The following E2F7 variants were observed in gnomAD, a reference collection of about 807,000 sequenced individuals.
The protein encoded by E2F7 is E2F transcription factor 7, also known as transcription factor E2F7.
A neutral mutation model predicts 81.1 loss-of-function variants in E2F7; 35 were observed. The ratio of observed to expected loss-of-function variants is 0.43; its 90% CI spans 0.33 to 0.57. The LOEUF (loss-of-function observed/expected upper bound fraction) is 0.57. Among genes scored for constraint, E2F7 ranks in the 20% least tolerant of loss-of-function variants. The pLI is 0.04. For synonymous variants in E2F7, 416 were observed against 416.2 expected (o/e 1.00, Z 0.01); for missense variants, 961 against 1,093.7 (o/e 0.88, Z 1.71).
intron 2 of E2F7, 139 bp from the exon 3 acceptor site, chr12:77,056,269 A>C: frequency 1.1e-6 from 1 of 882,298 alleles, no homozygotes; most frequent in South Asian, 1.9e-5. Flanking sequence ...TCAGGATAGG[A>C]CTAACGAAAA....
chr12:77,032,411 C>T (rs1457056965), intron 9 of E2F7, among the ~76,000 whole-genome samples: 1 of 152,206 alleles, frequency 6.6e-6, no homozygotes, highest in Non-Finnish European at 1.5e-5. Context: ...TTGTAATCTG[C>T]TTCTTCCCAC....
chr12:77,031,361 C>T lies in E2F7; in HGVS notation c.1383-1029G>A, dbSNP rs568496523. Among the ~76,000 whole-genome samples, 3 of 152,204 alleles carry T rather than the reference C, an allele frequency of 2.0e-5. No homozygotes were observed. The South Asian group carries it at 6.2e-4, about 31-fold the overall frequency. ...TCCTTTAAGAAATAGGAACAGAGGG[C>T]CAGGCGTGGTGGCTCACGCCTGTAA... On this transcript the variant is annotated intron_variant, in intron 9 of 12. Transcript: ENST00000322886.
chr12:77,046,085 G>A lies in E2F7; in HGVS notation c.782C>T (p.Ser261Phe). The A allele has an allele frequency of 2.5e-6, 4 of 1,614,216 alleles. No individual in the cohort carries two copies. Among genetic ancestry groups the A allele is most frequent in the Non-Finnish European group, 3.4e-6 (4 of 1,180,038 alleles). ...GERKKDGDPD[S>F]QEQQLLDFSE... is the part of the protein sequence containing the mutation. Reference sequence around the variant, plus strand: ...GAAATCCAGTAACTGTTGTTCCTGGGAATCTGGATCACCATCTTTTTTACG... The same window carrying A: ...GAAATCCAGTAACTGTTGTTCCTGGAAATCTGGATCACCATCTTTTTTACG... Residue 261 changes from serine (S) to phenylalanine (F), a missense_variant, in exon 5 of 13, where the codon TCC (serine) becomes TTC (phenylalanine). This residue lies in a region of E2F7 where 301 missense variants were observed against 405.0 expected (regional missense o/e 0.74). Coordinates refer to ENST00000322886, the MANE Select transcript of E2F7 (RefSeq NM_203394.3).
intron 5 of E2F7, among the ~76,000 whole-genome samples, chr12:77,045,333 G>T (rs1340412110): frequency 6.6e-6 from 1 of 152,190 alleles, no homozygotes; most frequent in Non-Finnish European, 1.5e-5. Flanking sequence ...TGCTCCTGTG[G>T]ATGGCAGGCA....
At chr12:77,027,191 T>C (rs1331991306) in intron 11 of E2F7, among the ~76,000 whole-genome samples, 2 of 152,150 alleles carry the variant, frequency 1.3e-5, no homozygotes, top group African/African-American at 4.8e-5. Context: ...TTGAGGAAAA[T>C]CAATTTAGAT....
rs373886442 is a variant in E2F7, at chr12:77,046,266, G to A, written c.601C>T (p.Arg201Trp). The change falls in exon 5 of 13, where the codon CGG becomes TGG. Residue 201 changes from arginine (R) to tryptophan (W), a missense_variant. Arg to Trp is a moderately radical substitution (Grantham distance 101, BLOSUM62 -3). Coordinates refer to ENST00000322886, the MANE Select transcript of E2F7 (RefSeq NM_203394.3). ...CAGCCATACTGATTCTTAGCCACCC[G>A]GCTGACCAGATGCAGCGACTCCAGC... ...NVLESLHLVS[R>W]VAKNQYGWHG... The A allele has an allele frequency of 6.2e-7, 1 of 1,614,126 alleles. No individual in the cohort carries two copies. The highest frequency in any genetic ancestry group is 8.5e-7 in the Non-Finnish European group (1 of 1,180,028).
chr12:77,042,244 G>A (rs1015783604), intron 7 of E2F7, among the ~76,000 whole-genome samples: 25 of 152,196 alleles, frequency 1.6e-4, no homozygotes, highest in African/African-American at 5.5e-4. Context: ...CAGTGCATAC[G>A]CACTGGGTTG....
At chr12:77,043,244 C>G (rs752078539) in intron 6 of E2F7, 45 bp from the exon 7 acceptor site, 2 of 1,610,582 alleles carry the variant, frequency 1.2e-6, no homozygotes, top group Non-Finnish European at 1.7e-6. Context: ...CCTGTGACAC[C>G]ATGACAGTTT....
At position 77,051,766 on chromosome 12, in the gene E2F7, G is replaced by T. The variant is rs74645975; in HGVS notation, c.370-1022C>A. On this transcript the variant is annotated intron_variant, in intron 3 of 12. Transcript: ENST00000322886. Reference sequence around the variant, plus strand: ...TCCCTTAAAGTCAGGAAACAATATGGATGCCCATTATCACTTTCTCTTCTA... The same window carrying T: ...TCCCTTAAAGTCAGGAAACAATATGTATGCCCATTATCACTTTCTCTTCTA... Among the ~76,000 whole-genome samples, 845 of 152,174 alleles carry T rather than the reference G, an allele frequency of 5.6e-3. 3 individuals are homozygous for T. Among genetic ancestry groups the T allele is most frequent in the East Asian group, 0.014 (74 of 5,180 alleles).
At chr12:77,065,174 GGAGT>G (rs1295280462) in intron 1 of E2F7, among the ~76,000 whole-genome samples, 167 bp downstream of exon 1, 3 of 152,170 alleles carry the variant, frequency 2.0e-5, no homozygotes, top group African/African-American at 7.2e-5. Context: ...CTGCCGGGCC[GGAGT>G]GAGAGCTGCA....
At chr12:77,058,146 C>T (rs1265353163) in intron 2 of E2F7, among the ~76,000 whole-genome samples, 2 of 152,130 alleles carry the variant, frequency 1.3e-5, no homozygotes, top group African/African-American at 4.8e-5. Context: ...GCTGCATCTA[C>T]CCACCTCTTT....
At chr12:77,061,300 G>A (rs1458891109) in intron 2 of E2F7, among the ~76,000 whole-genome samples, 1 of 152,024 alleles carries the variant, frequency 6.6e-6, no homozygotes, top group Non-Finnish European at 1.5e-5. Context: ...ATTCCAAACT[G>A]AACTCACCTT....
At chr12:77,045,352 C>G (rs1954931170) in intron 5 of E2F7, among the ~76,000 whole-genome samples, 1 of 152,132 alleles carries the variant, frequency 6.6e-6, no homozygotes, top group East Asian at 1.9e-4. Context: ...CAAACCATCC[C>G]CAACAGATGG....
chr12:77,060,746 T>C (rs1405123661), intron 2 of E2F7, among the ~76,000 whole-genome samples: 2 of 152,298 alleles, frequency 1.3e-5, no homozygotes, highest in South Asian at 4.1e-4. Context: ...TGTTAGAAAG[T>C]GTCTCCTTCT....
intron 7 of E2F7, among the ~76,000 whole-genome samples, chr12:77,038,226 T>C (rs1236947700): frequency 6.6e-6 from 1 of 152,122 alleles, no homozygotes; most frequent in Non-Finnish European, 1.5e-5. Context: ...TATCCATCTA[T>C]CAATAATTGC....
At chr12:77,061,578 A>G (rs1452427023) in intron 2 of E2F7, among the ~76,000 whole-genome samples, 1 of 152,226 alleles carries the variant, frequency 6.6e-6, no homozygotes, top group South Asian at 2.1e-4. Context: ...AGGCATAGTA[A>G]CTTCGGGTAA....
At chr12:77,033,306 A>C (rs1954821223) in intron 8 of E2F7, among the ~76,000 whole-genome samples, 184 bp from the exon 9 acceptor site, 1 of 152,136 alleles carries the variant, frequency 6.6e-6, no homozygotes, top group Non-Finnish European at 1.5e-5. Flanking sequence ...TCTCATTAAG[A>C]ATTCAAAATA....
rs762918466 is a variant in E2F7, at chr12:77,025,734, C to T, written c.2389G>A (p.Gly797Ser). Residue 797 changes from glycine to serine, a missense_variant, in exon 12 of 13, where the codon GGC (glycine) becomes AGC (serine). By Grantham distance (56) the Gly-to-Ser change is moderately conservative. Coordinates refer to ENST00000322886, the MANE Select transcript of E2F7 (RefSeq NM_203394.3). ...GLGSIAQLLV[G>S]PTAVVNPKSS... ...TTTGGATTAACCACAGCTGTGGGGCCGACGAGAAGCTGGGCTATTGATCCA... is the reference window on the plus strand; with the variant it reads ...TTTGGATTAACCACAGCTGTGGGGCTGACGAGAAGCTGGGCTATTGATCCA... 5.5e-5 allele frequency: 89 copies of T among 1,613,872 alleles called. No individual in the cohort carries two copies. Among genetic ancestry groups the T allele is most frequent in the African/African-American group, 1.3e-4 (10 of 74,832 alleles).
intron 6 of E2F7, 28 bp downstream of exon 6, chr12:77,044,609 G>C: frequency 6.2e-7 from 1 of 1,610,480 alleles, no homozygotes; most frequent in Non-Finnish European, 8.5e-7. Context: ...TTATGTGCTA[G>C]TAAGTTGATG....
Sources: allele counts gnomAD v4.1 joint callset (sites outside exome capture counted in the v4.1 genomes callset), GRCh38; gene constraint gnomAD v4.1.1; regional missense constraint gnomAD v4.1.1; transcripts MANE v1.5; gene names NCBI Gene and HGNC (gene_info 2026-07-23, HGNC 2026-07-21).